PDIA3: variants seen among roughly 807,000 people sequenced by gnomAD.
PDIA3 encodes protein disulfide-isomerase A3.
In PDIA3, 16 loss-of-function variants were observed where a neutral mutation model predicts 56.9. The observed-to-expected ratio is 0.28, with a 90% CI of 0.19 to 0.43. PDIA3 has a LOEUF of 0.43. Ranked by LOEUF, PDIA3 falls within the 20% of genes least tolerant of loss-of-function variation. The probability of loss-of-function intolerance (pLI) is 1.00; values close to 1 mark genes in which losing one functional copy is unlikely to be tolerated. For missense variants in PDIA3, 485 were observed against 621.3 expected (o/e 0.78, Z 2.33); for synonymous variants, 192 against 216.5 (o/e 0.89, Z 0.99).
At chr15:43,761,377 A>T (rs540688699) in intron 3 of PDIA3, 47 bp from the exon 4 acceptor site, 1 of 1,051,584 alleles carries the variant, frequency 9.5e-7, no homozygotes, top group Non-Finnish European at 1.4e-6. Flanking sequence ...CCTTCTCAAA[A>T]ATTATAAATA....
chr15:43,755,212 A>T (rs2086770806), intron 2 of PDIA3, among the ~76,000 whole-genome samples: 1 of 152,120 alleles, frequency 6.6e-6, no homozygotes, highest in African/African-American at 2.4e-5. Context: ...CTGTAATCCC[A>T]GCTACTTGGA....
chr15:43,750,171 ATTT>A (rs781370240), intron 1 of PDIA3, among the ~76,000 whole-genome samples: 1 of 117,396 alleles, frequency 8.5e-6, no homozygotes. Flanking sequence ...TGTCTGGCTA[ATTT>A]TTTTTTTTTT....
intron 1 of PDIA3, among the ~76,000 whole-genome samples, chr15:43,753,495 A>G (rs2086757901): frequency 6.6e-6 from 1 of 152,238 alleles, no homozygotes; most frequent in Non-Finnish European, 1.5e-5. Flanking sequence ...TCAAAAGGGC[A>G]TTAACCCATT....
chr15:43,756,271 G>C (rs975661768), intron 2 of PDIA3, among the ~76,000 whole-genome samples: 2 of 152,122 alleles, frequency 1.3e-5, no homozygotes, highest in Non-Finnish European at 2.9e-5. Context: ...TACCACCATC[G>C]ATATATCCCC....
chr15:43,761,291 A>G, intron 3 of PDIA3, 133 bp from the exon 4 acceptor site: 1 of 483,412 alleles, frequency 2.1e-6, no homozygotes. Flanking sequence ...AAACTGGGTG[A>G]CTAGGGACAA....
At chr15:43,770,439 A>C in intron 11 of PDIA3, 84 bp from the exon 12 acceptor site, 1 of 1,343,916 alleles carries the variant, frequency 7.4e-7, no homozygotes, top group Non-Finnish European at 1.1e-6. Context: ...TTGAAGGCAG[A>C]ACCACTGATT....
intron 4 of PDIA3, among the ~76,000 whole-genome samples, chr15:43,761,785 G>C (rs1288155329): frequency 6.6e-6 from 1 of 151,958 alleles, no homozygotes; most frequent in Non-Finnish European, 1.5e-5. Flanking sequence ...AGATGTAAAG[G>C]TTTAATTTCA....
At chr15:43,761,729 T>C (rs2086817632) in intron 4 of PDIA3, among the ~76,000 whole-genome samples, 198 bp downstream of exon 4, 1 of 152,042 alleles carries the variant, frequency 6.6e-6, no homozygotes. Flanking sequence ...GTAATTATAA[T>C]GTGGGGGGCA....
rs571852737 is a variant in PDIA3 at position 43,760,614 on chromosome 15, C to T, written c.365-810C>T. On this transcript the variant is annotated intron_variant, in intron 3 of 12. Coordinates refer to ENST00000300289, the MANE Select transcript of PDIA3 (RefSeq NM_005313.5). ...CACGACCTCGGCTCACTGCAAGCTC[C>T]GCCTCCCGGGTTCACACCATTCTCC... is the stretch of plus-strand genomic sequence containing the variant. 7.3e-5 allele frequency among the ~76,000 whole-genome samples: 11 copies of T among 150,832 alleles called. No individual in the cohort carries two copies. The South Asian group carries it at 1.7e-3, about 23-fold the overall frequency.
chr15:43,761,686 A>T (rs1302726264), intron 4 of PDIA3, among the ~76,000 whole-genome samples, 155 bp downstream of exon 4: 2 of 152,114 alleles, frequency 1.3e-5, no homozygotes, highest in Non-Finnish European at 2.9e-5. Context: ...ACTATAATGT[A>T]CTATATAGTA....
chr15:43,746,785 C>A, intron 1 of PDIA3, 79 bp downstream of exon 1: 2 of 1,483,924 alleles, frequency 1.3e-6, no homozygotes, highest in Non-Finnish European at 1.9e-6. Flanking sequence ...GTTGGGCCTA[C>A]GCAGCGCCGG....
intron 3 of PDIA3, among the ~76,000 whole-genome samples, chr15:43,760,235 C>A (rs1248025406): frequency 1.3e-5 from 2 of 151,834 alleles, no homozygotes; most frequent in Non-Finnish European, 2.9e-5. Context: ...TATAAAAATA[C>A]AAAAAACTAG....
chr15:43,769,291 T>C (rs1197585373), intron 9 of PDIA3, among the ~76,000 whole-genome samples: 1 of 152,236 alleles, frequency 6.6e-6, no homozygotes, highest in Non-Finnish European at 1.5e-5. Context: ...AGCACTTCTA[T>C]GTCCTGTAAC....
chr15:43,758,981 A>G (rs1013124696), intron 3 of PDIA3, among the ~76,000 whole-genome samples: 11 of 151,928 alleles, frequency 7.2e-5, no homozygotes, highest in African/African-American at 2.2e-4. Flanking sequence ...TCTCAAAAAA[A>G]AAAATAAAAA....
rs1367692996 is a variant in PDIA3, at chr15:43,765,962, T to C, written c.795T>C (p.Tyr265=). Residue 265 remains tyrosine, a synonymous_variant, in exon 7 of 13, where the codon TAT becomes TAC. Transcript: ENST00000300289. ...IQGKDLLIAY[Y]DVDYEKNAKG... ...GCAAGGACTTACTTATTGCTTACTA[T>C]GATGTGGACTATGAAAAGAACGCTA... 6.8e-6 allele frequency: 11 copies of C among 1,613,344 alleles called. No individual in the cohort carries two copies. The highest frequency in any genetic ancestry group is 9.3e-6 in the Non-Finnish European group (11 of 1,179,608).
In PDIA3 at chr15:43,746,617, C is replaced by G; in HGVS notation, c.78C>G (p.Asp26Glu). The change falls in exon 1 of 13, where the codon GAC becomes GAG. Residue 26 changes from aspartate to glutamate, a missense_variant. By Grantham distance (45) the Asp-to-Glu change is conservative (BLOSUM62 2). Transcript: ENST00000300289. ...CGGCCCGCCTCGCCGCTGCCTCCGACGTGCTAGAACTCACGGACGACAACT... is the reference window on the plus strand; with the variant it reads ...CGGCCCGCCTCGCCGCTGCCTCCGAGGTGCTAGAACTCACGGACGACAACT... Reference protein sequence around the residue: ...LAAARLAAASDVLELTDDNFE... With the variant: ...LAAARLAAASEVLELTDDNFE... 1 of 1,612,816 alleles carries G rather than the reference C, an allele frequency of 6.2e-7. No homozygotes were observed. Among genetic ancestry groups the G allele is most frequent in the Non-Finnish European group, 8.5e-7 (1 of 1,179,864 alleles).
chr15:43,770,188 A>T, intron 10 of PDIA3, 62 bp from the exon 11 acceptor site: 1 of 1,298,912 alleles, frequency 7.7e-7, no homozygotes, highest in South Asian at 1.2e-5. Context: ...TCTTCAATTG[A>T]CTAAGTGTCC....
intron 3 of PDIA3, among the ~76,000 whole-genome samples, chr15:43,757,354 C>A (rs915369165): frequency 6.6e-6 from 1 of 150,896 alleles, no homozygotes; most frequent in Admixed American, 6.6e-5. Context: ...GTCAGGAGAT[C>A]GAGACCATCC....
Position 43,766,024 on chromosome 15 carries a change from T to A in PDIA3, c.845+12T>A. ...TACTGGAGAAACAGGTAATAAGAAT[T>A]ATGTTTTTCCCTCATGAACAAGTTT... is the stretch of plus-strand genomic sequence containing the variant. On this transcript the variant is annotated intron_variant, in intron 7 of 12. Coordinates refer to ENST00000300289, the MANE Select transcript of PDIA3 (RefSeq NM_005313.5). 6.2e-7 allele frequency: 1 copy of A among 1,612,324 alleles called. No individual in the cohort carries two copies. Among genetic ancestry groups the A allele is most frequent in the South Asian group, 1.1e-5 (1 of 90,794 alleles).
Sources: allele counts gnomAD v4.1 joint callset (sites outside exome capture counted in the v4.1 genomes callset), GRCh38; gene constraint gnomAD v4.1.1; transcripts MANE v1.5; gene names NCBI Gene and HGNC (gene_info 2026-07-23, HGNC 2026-07-21).